HCN1: variants seen among roughly 807,000 people sequenced by gnomAD.
HCN1 encodes the protein potassium/sodium hyperpolarization-activated cyclic nucleotide-gated channel 1.
In HCN1, 13 loss-of-function variants were observed where a neutral mutation model predicts 78.9. That is an observed-to-expected ratio of 0.16 (90% confidence interval 0.11 to 0.26). The LOEUF is 0.26. HCN1 is among the 10% of genes least tolerant of loss of function. The pLI is 1.00. For synonymous variants in HCN1, 552 were observed against 455.5 expected (o/e 1.21, Z -2.70); for missense variants, 810 against 1,154.3 (o/e 0.70, Z 4.32).
At chr5:45,503,446 A>G (rs1204263918) in intron 2 of HCN1, among the ~76,000 whole-genome samples, 1 of 152,178 alleles carries the variant, frequency 6.6e-6, no homozygotes, top group Non-Finnish European at 1.5e-5. Context: ...TTAGTTCTAG[A>G]TTTAGCTTAA....
At chr5:45,387,752 C>T (rs6451798) in intron 4 of HCN1, among the ~76,000 whole-genome samples, 52,174 of 151,934 alleles carry the variant, frequency 0.34, 11,828 homozygotes, top group African/African-American at 0.63. Flanking sequence ...GTGGGACATA[C>T]GTTCCAAGAC....
At chr5:45,346,651 A>G (rs1026435189) in intron 5 of HCN1, among the ~76,000 whole-genome samples, 1 of 152,066 alleles carries the variant, frequency 6.6e-6, no homozygotes, top group Non-Finnish European at 1.5e-5. Flanking sequence ...AAATCGGGTC[A>G]CTCCCACCCT....
intron 7 of HCN1, among the ~76,000 whole-genome samples, chr5:45,264,820 A>G (rs937550578): frequency 3.3e-5 from 5 of 152,224 alleles, no homozygotes; most frequent in African/African-American, 9.6e-5. Context: ...AAGATCAAAA[A>G]TTCAATTGCT....
At chr5:45,633,090 T>C (rs1404847265) in intron 2 of HCN1, among the ~76,000 whole-genome samples, 1 of 151,956 alleles carries the variant, frequency 6.6e-6, no homozygotes, top group Non-Finnish European at 1.5e-5. Context: ...AGGAACTAGG[T>C]TCACTTTTTG....
chr5:45,349,627 C>A (rs188532708), intron 5 of HCN1, among the ~76,000 whole-genome samples: 1 of 151,898 alleles, frequency 6.6e-6, no homozygotes, highest in Non-Finnish European at 1.5e-5. Context: ...AGACCGCTAG[C>A]AAGACGAATA....
At chr5:45,450,137 A>G (rs1244836210) in intron 3 of HCN1, among the ~76,000 whole-genome samples, 1 of 152,174 alleles carries the variant, frequency 6.6e-6, no homozygotes, top group Non-Finnish European at 1.5e-5. Context: ...AGCCGAACAT[A>G]AGTTTTATTT....
At chr5:45,445,330 G>A (rs1561157832) in intron 3 of HCN1, among the ~76,000 whole-genome samples, 1 of 152,186 alleles carries the variant, frequency 6.6e-6, no homozygotes, top group Non-Finnish European at 1.5e-5. Flanking sequence ...GTGAGGCTAG[G>A]GGAGGGGCAC....
intron 5 of HCN1, among the ~76,000 whole-genome samples, chr5:45,306,158 T>A: frequency 6.6e-6 from 1 of 152,074 alleles, no homozygotes; most frequent in Non-Finnish European, 1.5e-5. Context: ...AATGACAGAA[T>A]AATACTGTGT....
intron 2 of HCN1, among the ~76,000 whole-genome samples, chr5:45,583,863 A>G (rs1393215759): frequency 6.6e-6 from 1 of 152,062 alleles, no homozygotes; most frequent in Non-Finnish European, 1.5e-5. Context: ...CCTGAGTTCT[A>G]GTTTGATTGC....
intron 2 of HCN1, among the ~76,000 whole-genome samples, chr5:45,604,017 C>T (rs1265816669): frequency 1.3e-5 from 2 of 151,930 alleles, no homozygotes; most frequent in African/African-American, 4.8e-5. Context: ...AAAAACTTAG[C>T]CAATCAAACC....
In HCN1 at chr5:45,499,051, C is replaced by A. The variant is rs941316618; in HGVS notation, c.850-37044G>T. On this transcript the variant is annotated intron_variant, in intron 2 of 7. Transcript: ENST00000303230. ...GCTGTCTTTTTTTGTCTGTGCCCTG[C>A]CCCCAGAGGTGGAGCCTACAGAGGC... is the stretch of plus-strand genomic sequence containing the variant. 8.5e-5 allele frequency among the ~76,000 whole-genome samples: 13 copies of A among 152,156 alleles called. 1 individual carries two copies. The highest frequency in any genetic ancestry group is 3.1e-4 in the African/African-American group (13 of 41,440).
At chr5:45,592,904 G>T (rs1201005792) in intron 2 of HCN1, among the ~76,000 whole-genome samples, 1 of 152,148 alleles carries the variant, frequency 6.6e-6, no homozygotes, top group Non-Finnish European at 1.5e-5. Flanking sequence ...GGAAATGTGA[G>T]AAAATACTGG....
chr5:45,291,141 C>T (rs2111884878), intron 6 of HCN1, among the ~76,000 whole-genome samples: 1 of 152,016 alleles, frequency 6.6e-6, no homozygotes, highest in East Asian at 1.9e-4. Flanking sequence ...TAACTAATTC[C>T]AAAACCTCTA....
intron 4 of HCN1, among the ~76,000 whole-genome samples, chr5:45,373,161 A>G (rs1323179156): frequency 8.2e-5 from 10 of 122,508 alleles, no homozygotes; most frequent in African/African-American, 3.4e-4. Flanking sequence ...ATAAAAATAT[A>G]TGTACTTTAT....
At chr5:45,388,031 G>T (rs1198300272) in intron 4 of HCN1, among the ~76,000 whole-genome samples, 63 of 152,100 alleles carry the variant, frequency 4.1e-4, no homozygotes, top group Admixed American at 4.1e-3. Flanking sequence ...TGGATAAGAG[G>T]AGGGCTATGG....
intron 4 of HCN1, among the ~76,000 whole-genome samples, chr5:45,393,401 A>C (rs551928428): frequency 1.3e-5 from 2 of 152,296 alleles, no homozygotes; most frequent in Non-Finnish European, 2.9e-5. Flanking sequence ...TAGTAGTATA[A>C]AAAACCAAGG....
At chr5:45,375,438 A>G (rs1747606490) in intron 4 of HCN1, among the ~76,000 whole-genome samples, 1 of 116,190 alleles carries the variant, frequency 8.6e-6, no homozygotes, top group South Asian at 2.5e-4. Flanking sequence ...CATATTATAT[A>G]TAAGATCATA....
chr5:45,431,543 C>A (rs192047438), intron 3 of HCN1, among the ~76,000 whole-genome samples: 1 of 152,246 alleles, frequency 6.6e-6, no homozygotes, highest in Admixed American at 6.5e-5. Context: ...CCTAGGTTAT[C>A]TTCCAGGGTC....
intron 6 of HCN1, among the ~76,000 whole-genome samples, chr5:45,292,616 T>G (rs1394167807): frequency 1.3e-5 from 2 of 151,992 alleles, no homozygotes; most frequent in Non-Finnish European, 2.9e-5. Flanking sequence ...TACTTTATCA[T>G]TATCATATGT....
Sources: allele counts gnomAD v4.1 joint callset (sites outside exome capture counted in the v4.1 genomes callset), GRCh38; gene constraint gnomAD v4.1.1; transcripts MANE v1.5; gene names NCBI Gene and HGNC (gene_info 2026-07-23, HGNC 2026-07-21).